The following MRAS variants were observed in gnomAD, a reference collection of about 807,000 sequenced individuals.
The protein encoded by MRAS is ras-related protein M-Ras.
MRAS carries 4 observed loss-of-function variants against 20.9 expected under a neutral mutation model. The ratio of observed to expected loss-of-function variants is 0.19; its 90% CI spans 0.09 to 0.44. MRAS has a LOEUF of 0.44. Among genes scored for constraint, MRAS ranks in the 20% least tolerant of loss-of-function variants. The pLI is 0.99. For missense variants in MRAS, 154 were observed against 277.5 expected (o/e 0.56, Z 3.16); for synonymous variants, 98 against 102.9 (o/e 0.95, Z 0.29).
rs993363346 is a variant in MRAS at position 138,401,273 on chromosome 3, G to A, written c.527+660G>A. On this transcript the variant is annotated intron_variant, in intron 5 of 5. Coordinates refer to ENST00000423968, the MANE Select transcript of MRAS (RefSeq NM_001085049.3). ...TAACATGCACAGCAGCCTAACCAGC[G>A]GGTCTCAGACATTGTGCGTTGAGTT... 3.3e-5 allele frequency among the ~76,000 whole-genome samples: 5 copies of A among 152,094 alleles called. No homozygotes were observed. In the South Asian group the frequency reaches 6.2e-4, roughly 19 times the overall value.
At chr3:138,384,457 A>T (rs1158179844) in intron 2 of MRAS, among the ~76,000 whole-genome samples, 1 of 152,190 alleles carries the variant, frequency 6.6e-6, no homozygotes, top group Non-Finnish European at 1.5e-5. Context: ...GGAGTATTTG[A>T]GGTTATTAGA....
intron 2 of MRAS, among the ~76,000 whole-genome samples, chr3:138,384,775 AGAG>A (rs747202788): frequency 1.4e-4 from 21 of 152,168 alleles, no homozygotes; most frequent in Non-Finnish European, 2.5e-4. Flanking sequence ...GCTGGGGAGA[AGAG>A]GAGACAGGGC....
chr3:138,398,063 A>G (rs2055278984), intron 3 of MRAS, among the ~76,000 whole-genome samples: 1 of 152,242 alleles, frequency 6.6e-6, no homozygotes, highest in African/African-American at 2.4e-5. Context: ...TTTGGACAAA[A>G]TTTGGCCCAT....
intron 5 of MRAS, among the ~76,000 whole-genome samples, chr3:138,401,180 G>A (rs950888806): frequency 3.9e-5 from 6 of 152,158 alleles, no homozygotes; most frequent in African/African-American, 1.2e-4. Flanking sequence ...ATCACCTCAT[G>A]CACTCATGAC....
intron 4 of MRAS, among the ~76,000 whole-genome samples, chr3:138,399,730 C>T (rs1199501130): frequency 6.6e-6 from 1 of 152,214 alleles, no homozygotes; most frequent in Non-Finnish European, 1.5e-5. Flanking sequence ...GTGTGTTCCC[C>T]ACCCTGCTCC....
chr3:138,359,417 C>T (rs73864516), intron 1 of MRAS, among the ~76,000 whole-genome samples: 6,435 of 152,116 alleles, frequency 0.042, 451 homozygotes, highest in African/African-American at 0.15. Context: ...GGCTTCAGTC[C>T]GTCTCTCTGC....
chr3:138,372,836 T>A, intron 1 of MRAS, 30 bp from the exon 2 acceptor site: 1 of 1,432,232 alleles, frequency 7.0e-7, no homozygotes, highest in South Asian at 1.4e-5. Context: ...AAAAGCCCTC[T>A]GTCTCATTCC....
intron 2 of MRAS, among the ~76,000 whole-genome samples, chr3:138,390,264 C>A (rs1181098106): frequency 6.6e-6 from 1 of 152,092 alleles, no homozygotes; most frequent in African/African-American, 2.4e-5. Flanking sequence ...CCAGGGTCTC[C>A]AGTTAAATCC....
intron 4 of MRAS, 120 bp from the exon 5 acceptor site, chr3:138,400,414 G>C (rs2055334859): frequency 1.2e-6 from 1 of 813,498 alleles, no homozygotes; most frequent in Non-Finnish European, 2.1e-6. Flanking sequence ...GGGGGCTGGG[G>C]CTTCTGTGGG....
At chr3:138,362,575 C>T (rs2054471388) in intron 1 of MRAS, among the ~76,000 whole-genome samples, 1 of 152,060 alleles carries the variant, frequency 6.6e-6, no homozygotes, top group African/African-American at 2.4e-5. Flanking sequence ...GTGTGGTCAT[C>T]AAAAAGAGTT....
chr3:138,365,074 C>G (rs767380537), intron 1 of MRAS, among the ~76,000 whole-genome samples: 1 of 152,238 alleles, frequency 6.6e-6, no homozygotes. Flanking sequence ...GATCCCGACA[C>G]TGCCTCTTTC....
chr3:138,398,585 G>C lies in MRAS; in HGVS notation c.447+17G>C. The C allele has an allele frequency of 6.2e-7, 1 of 1,610,240 alleles. No homozygotes were observed. Among genetic ancestry groups the C allele is most frequent in the Non-Finnish European group, 8.5e-7 (1 of 1,176,442 alleles). ...AAACACAATGTAGGTGTGTGCGTGT[G>C]TGTAGAGGGGGTCAGGAGATGTGTA... On this transcript the variant is annotated intron_variant, in intron 4 of 5. Coordinates refer to ENST00000423968, the MANE Select transcript of MRAS (RefSeq NM_001085049.3).
At chr3:138,382,960 C>T (rs556644404) in intron 2 of MRAS, among the ~76,000 whole-genome samples, 42 of 152,300 alleles carry the variant, frequency 2.8e-4, no homozygotes, top group African/African-American at 9.4e-4. Context: ...CCCTGGGCCT[C>T]AGTGTTGCCT....
intron 1 of MRAS, chr3:138,349,711 A>T (rs932820998): frequency 1.3e-5 from 2 of 152,232 alleles, no homozygotes; most frequent in Non-Finnish European, 2.9e-5. Context: ...ACCTGACCAG[A>T]GAGGGTGGCT....
At chr3:138,385,156 ATTTTTTTTTT>A (rs34770279) in intron 2 of MRAS, among the ~76,000 whole-genome samples, 17 of 66,500 alleles carry the variant, frequency 2.6e-4, no homozygotes, top group South Asian at 2.1e-3. Context: ...TTGATTTGTA[ATTTTTTTTTT>A]TTTTTTTTTT....
chr3:138,356,716 C>T (rs2054341920), intron 1 of MRAS, among the ~76,000 whole-genome samples: 1 of 152,222 alleles, frequency 6.6e-6, no homozygotes, highest in Non-Finnish European at 1.5e-5. Context: ...CCTCCTTAGC[C>T]TTCCCTCTCC....
At chr3:138,359,857 G>A (rs983685892) in intron 1 of MRAS, among the ~76,000 whole-genome samples, 1 of 152,244 alleles carries the variant, frequency 6.6e-6, no homozygotes, top group African/African-American at 2.4e-5. Flanking sequence ...TGCTCAAGAA[G>A]GATGGGTACA....
upstream of MRAS, chr3:138,347,929 T>A (rs2054150964): frequency 6.6e-6 from 1 of 152,192 alleles, no homozygotes; most frequent in Non-Finnish European, 1.5e-5. Flanking sequence ...TTTTATGGTG[T>A]TGAATTATAT....
intron 2 of MRAS, among the ~76,000 whole-genome samples, chr3:138,375,070 T>C (rs1050230619): frequency 5.9e-5 from 9 of 152,106 alleles, no homozygotes; most frequent in African/African-American, 7.2e-5. Flanking sequence ...TTTGTGAAGA[T>C]TGGGGGGAAT....
Sources: gnomAD v4.1 joint callset for allele counts (sites outside exome capture counted in the v4.1 genomes callset) on GRCh38, gnomAD v4.1.1 for gene constraint, MANE v1.5 for transcripts, NCBI Gene and HGNC (gene_info 2026-07-23, HGNC 2026-07-21) for gene names.